Variants in ACTR6 observed in about 807,000 individuals in gnomAD.
ACTR6 encodes the protein actin related protein 6, also known as actin-related protein 6.
Under a neutral mutation model 52.5 loss-of-function variants are expected in ACTR6, and 50 were observed. The observed-to-expected ratio is 0.95, with a 90% CI of 0.76 to 1.20. The LOEUF is 1.20. ACTR6 is among the 50% of genes most tolerant of loss of function. The probability of loss-of-function intolerance (pLI) is 0.00; values close to 1 mark genes in which losing one functional copy is unlikely to be tolerated. For missense variants in ACTR6, 344 were observed against 472.4 expected (o/e 0.73, Z 2.52); for synonymous variants, 135 against 147.2 (o/e 0.92, Z 0.60).
At chr12:100,212,993 C>T (rs138181845) in intron 8 of ACTR6, among the ~76,000 whole-genome samples, 7,748 of 126,268 alleles carry the variant, frequency 0.061, 263 homozygotes, top group Admixed American at 0.073. Flanking sequence ...GGCAACACAG[C>T]GAGACTCTGT....
rs749116716 is a variant in ACTR6, at chr12:100,220,079, C to T, written c.994C>T (p.Arg332Trp). 140 of 1,613,634 alleles carry T rather than the reference C, an allele frequency of 8.7e-5. No individual in the cohort carries two copies. Among genetic ancestry groups the T allele is most frequent in the Non-Finnish European group, 1.1e-4 (129 of 1,179,838 alleles). ...TTCCCTTTTCCCAGGATTTAGGGAT[C>T]GGGTTTACTCAGAAGTTCGATGTCT... ...GNSLFPGFRD[R>W]VYSEVRCLTP... The change falls in exon 10 of 11, where the codon CGG (arginine) becomes TGG (tryptophan). Residue 332 changes from arginine to tryptophan, a missense_variant. Physicochemically the swap from Arg to Trp is moderately radical, Grantham distance 101. Transcript: ENST00000188312.
At chr12:100,221,514 CTTA>C (rs34897668) in intron 10 of ACTR6, among the ~76,000 whole-genome samples, 4,383 of 152,014 alleles carry the variant, frequency 0.029, 194 homozygotes, top group African/African-American at 0.098. Context: ...AGAAATAGGT[CTTA>C]TTATTTTATT....
At position 100,220,256 on chromosome 12, in the gene ACTR6, C is replaced by T. The variant is rs540795268; in HGVS notation, c.1061+110C>T. On this transcript the variant is annotated intron_variant, in intron 10 of 10. Coordinates refer to ENST00000188312, the MANE Select transcript of ACTR6 (RefSeq NM_022496.5). The stretch of plus-strand genomic sequence containing the variant: ...CTCCCACGGTGGCAGGTTCATTTCA[C>T]CTGCTGAATATTCATTTTTCTTCTT... 5 of 1,020,134 alleles carry T rather than the reference C, an allele frequency of 4.9e-6. No homozygotes were observed. The African/African-American group carries it at 6.4e-5, about 13-fold the overall frequency. 63.2% of individuals were successfully genotyped at this position (1,020,134 alleles called of 1,614,324 possible). A position where few individuals can be genotyped will look rare whatever the true frequency, so the allele number is the denominator to read the frequency against.
intron 3 of ACTR6, 57 bp from the exon 4 acceptor site, chr12:100,207,606 A>G: frequency 7.5e-7 from 1 of 1,341,310 alleles, no homozygotes; most frequent in Non-Finnish European, 1.0e-6. Context: ...TACATGTAAA[A>G]CAAGTGTTAA....
intron 8 of ACTR6, among the ~76,000 whole-genome samples, chr12:100,213,437 G>A (rs1368635585): frequency 1.3e-5 from 2 of 151,982 alleles, no homozygotes; most frequent in Admixed American, 6.6e-5. Context: ...CATTTCACCC[G>A]GCAAAAGTGA....
chr12:100,205,454 G>C (rs1306397041), intron 2 of ACTR6: 3 of 321,600 alleles, frequency 9.3e-6, no homozygotes, highest in African/African-American at 4.3e-5. Context: ...TAGTAAACCT[G>C]CACGTTCTGC....
chr12:100,204,499 T>TAC (rs1307122507), intron 1 of ACTR6, among the ~76,000 whole-genome samples: 2 of 152,212 alleles, frequency 1.3e-5, no homozygotes, highest in African/African-American at 4.8e-5. Flanking sequence ...TGGCTGGGAC[T>TAC]ACAGGCATGT....
intron 1 of ACTR6, among the ~76,000 whole-genome samples, chr12:100,201,279 G>A (rs1191232568): frequency 6.6e-6 from 1 of 152,216 alleles, no homozygotes; most frequent in Non-Finnish European, 1.5e-5. Flanking sequence ...CTGGGTACAA[G>A]ATTATAGGTT....
chr12:100,207,552 A>G (rs2096115872), intron 3 of ACTR6, 111 bp from the exon 4 acceptor site: 2 of 1,038,028 alleles, frequency 1.9e-6, no homozygotes, highest in African/African-American at 3.2e-5. Context: ...TGGGGATAGT[A>G]ATAAGACATC....
rs149793338 is a variant in ACTR6, at chr12:100,205,040, A to G, written c.169A>G (p.Ile57Val). Reference protein sequence around the residue: ...EIKDPSGLFYILPFQKGYLVN... With the variant: ...EIKDPSGLFYVLPFQKGYLVN... Reference sequence around the variant, plus strand: ...AAAAGACCCTTCTGGACTCTTTTACATCCTCCCTTTTCAAAAGGTAATCCA... The same window carrying G: ...AAAAGACCCTTCTGGACTCTTTTACGTCCTCCCTTTTCAAAAGGTAATCCA... The change falls in exon 2 of 11, where the codon ATC becomes GTC. Residue 57 changes from isoleucine (I) to valine (V), a missense_variant. Ile to Val is a conservative substitution (Grantham distance 29). Transcript: ENST00000188312. 1,384 of 1,582,518 alleles carry G rather than the reference A, an allele frequency of 8.7e-4. 2 individuals carry two copies. Among genetic ancestry groups the G allele is most frequent in the Non-Finnish European group, 1.1e-3 (1,277 of 1,157,276 alleles).
intron 1 of ACTR6, among the ~76,000 whole-genome samples, chr12:100,202,823 C>CTCCA (rs113657393): frequency 0.035 from 5,265 of 150,980 alleles, 114 homozygotes; most frequent in South Asian, 0.072. Context: ...CGCCACTGCA[C>CTCCA]TCCAGCCTGG....
In ACTR6 at chr12:100,223,790, A is replaced by G. The variant is rs1465739913; in HGVS notation, c.1066A>G (p.Ile356Val). Residue 356 changes from isoleucine (I) to valine (V), a missense_variant, in exon 11 of 11, where the codon ATT becomes GTT. Coordinates refer to ENST00000188312, the MANE Select transcript of ACTR6 (RefSeq NM_022496.5). The stretch of plus-strand genomic sequence containing the variant: ...CATTTATACCTTTATTTTCAGCCCT[A>G]TTACTTATGCCTGGGAAGGTGGAAA... ...DVSVVLPENP[I>V]TYAWEGGKLI... 1.9e-5 allele frequency: 30 copies of G among 1,605,968 alleles called. No individual in the cohort carries two copies. The highest frequency in any genetic ancestry group is 2.2e-5 in the Non-Finnish European group (26 of 1,177,802).
chr12:100,201,785 C>T (rs556375454), intron 1 of ACTR6, among the ~76,000 whole-genome samples: 2 of 152,148 alleles, frequency 1.3e-5, no homozygotes, highest in Admixed American at 6.5e-5. Flanking sequence ...CCACTCCCAG[C>T]GAATTTTTTG....
intron 1 of ACTR6, 64 bp downstream of exon 1, chr12:100,200,983 C>T (rs1206287391): frequency 1.9e-6 from 3 of 1,611,498 alleles, no homozygotes; most frequent in South Asian, 2.2e-5. Context: ...TGCTACGTTT[C>T]ATCTCCGGAC....
Position 100,212,544 on chromosome 12 carries a change from C to T in ACTR6, c.750+16C>T. The T allele has an allele frequency of 6.3e-7, 1 of 1,594,866 alleles. No homozygotes were observed. The highest frequency in any genetic ancestry group is 1.7e-4 in the Middle Eastern group (1 of 6,020). Reference sequence around the variant, plus strand: ...CTTTTGTAAGGTAATTTTTAAAAACCATCAATGGTTGGTTGCTGCGGCTCC... The same window carrying T: ...CTTTTGTAAGGTAATTTTTAAAAACTATCAATGGTTGGTTGCTGCGGCTCC... On this transcript the variant is annotated intron_variant, in intron 8 of 10. Transcript: ENST00000188312.
At chr12:100,200,973 T>G in intron 1 of ACTR6, 54 bp downstream of exon 1, 1 of 1,612,942 alleles carries the variant, frequency 6.2e-7, no homozygotes, top group South Asian at 1.1e-5. Flanking sequence ...TGGTTTCATG[T>G]GCTACGTTTC....
chr12:100,201,108 T>C, intron 1 of ACTR6, 189 bp downstream of exon 1: 1 of 1,417,482 alleles, frequency 7.1e-7, no homozygotes, highest in South Asian at 1.4e-5. Flanking sequence ...GGTTTTAGTT[T>C]TGGGCTGCGA....
Position 100,218,432 on chromosome 12 carries a change from G to T in ACTR6, c.768G>T (p.Val256=), listed in dbSNP as rs766364029. Residue 256 remains valine (V), a synonymous_variant, in exon 9 of 11, where the codon GTG becomes GTT. Coordinates refer to ENST00000188312, the MANE Select transcript of ACTR6 (RefSeq NM_022496.5). The surrounding 1 kb of genome is among the most constrained non-coding windows in gnomAD (Gnocchi z 4.2). ...TCTTTAAGCCAAGGGAAGAGATGGTGTTGAGTGGAAAATACAAATCTGGGG... is the reference window on the plus strand; with the variant it reads ...TCTTTAAGCCAAGGGAAGAGATGGTTTTGAGTGGAAAATACAAATCTGGGG... The part of the protein sequence containing the change: ...KGFCKPREEM[V]LSGKYKSGEQ... 3.7e-6 allele frequency: 6 copies of T among 1,610,210 alleles called. No individual in the cohort carries two copies.
intron 10 of ACTR6, among the ~76,000 whole-genome samples, chr12:100,220,506 A>G (rs2096127291): frequency 1.3e-5 from 2 of 152,220 alleles, no homozygotes; most frequent in South Asian, 4.1e-4. Context: ...AGTTTCTGTC[A>G]GGAATAGAAA....
Sources: allele counts gnomAD v4.1 joint callset (sites outside exome capture counted in the v4.1 genomes callset), GRCh38; gene constraint gnomAD v4.1.1; non-coding constraint Gnocchi (gnomAD v3.1); transcripts MANE v1.5; gene names NCBI Gene and HGNC (gene_info 2026-07-23, HGNC 2026-07-21).